KDM4A: variants seen among roughly 807,000 people sequenced by gnomAD.
KDM4A encodes lysine-specific demethylase 4A.
KDM4A carries 23 observed loss-of-function variants against 127.1 expected under a neutral mutation model. That is an observed-to-expected ratio of 0.18 (90% CI 0.13 to 0.26). KDM4A has a LOEUF of 0.26. Among genes scored for constraint, KDM4A ranks in the 10% least tolerant of loss-of-function variants. The pLI is 1.00. For synonymous variants in KDM4A, 443 were observed against 466.5 expected, an observed-to-expected ratio of 0.95 and a Z score of 0.65; for missense variants, 890 against 1,329.1, an observed-to-expected ratio of 0.67 and a Z score of 5.14.
In KDM4A at chr1:43,667,776, C is replaced by T. The variant is rs753686310; in HGVS notation, c.920C>T (p.Ser307Phe). The change falls in exon 9 of 22, where the codon TCC (serine) becomes TTC (phenylalanine). Residue 307 changes from serine (S) to phenylalanine (F), a missense_variant. Transcript: ENST00000372396. ...TCTTCTGGTTCCTGCTGACAGTGCT[C>T]CTGTAGAAAGGACATGGTGAAGATC... ...IEYGKQAVLC[S>F]CRKDMVKISM... The T allele has an allele frequency of 6.2e-7, 1 of 1,614,122 alleles. No individual in the cohort carries two copies.
At chr1:43,683,565 AT>A in intron 11 of KDM4A, 118 bp from the exon 12 acceptor site, 1 of 1,167,908 alleles carries the variant, frequency 8.6e-7, no homozygotes, top group Non-Finnish European at 1.2e-6. Context: ...TCTGTTTGGT[AT>A]TATATGTCTT....
chr1:43,690,394 C>T (rs928036099), intron 13 of KDM4A, among the ~76,000 whole-genome samples: 49 of 152,034 alleles, frequency 3.2e-4, no homozygotes, highest in African/African-American at 1.2e-3. Flanking sequence ...ACTACAGGCA[C>T]ACACCATCAC....
intron 12 of KDM4A, among the ~76,000 whole-genome samples, chr1:43,684,457 G>C (rs1017155607): frequency 1.3e-5 from 2 of 152,052 alleles, no homozygotes; most frequent in Non-Finnish European, 2.9e-5. Context: ...GAGCCGAGAT[G>C]GTGCCACTGC....
At chr1:43,685,376 T>A (rs1406180731) in intron 12 of KDM4A, among the ~76,000 whole-genome samples, 1 of 151,898 alleles carries the variant, frequency 6.6e-6, no homozygotes, top group Non-Finnish European at 1.5e-5. Flanking sequence ...CAATCGTACA[T>A]GTTACTCTTG....
At position 43,691,509 on chromosome 1, in the gene KDM4A, C is replaced by A. The variant is rs141609782; in HGVS notation, c.2256C>A (p.Val752=). The A allele has an allele frequency of 6.2e-6, 10 of 1,612,768 alleles. No individual in the cohort carries two copies. Among genetic ancestry groups the A allele is most frequent in the East Asian group, 2.2e-5 (1 of 44,834 alleles). The change falls in exon 15 of 22, where the codon GTC becomes GTA. Residue 752 remains valine, a synonymous_variant. Coordinates refer to ENST00000372396, the MANE Select transcript of KDM4A (RefSeq NM_014663.3). ...SVRVHASCYG[V]PPAKASEDWM... ...TGTCCCTGTTAGGTTGCTATGGGGT[C>A]CCCCCTGCAAAGGCTTCTGAAGACT...
chr1:43,693,148 G>A lies in KDM4A; in HGVS notation c.2375+837G>A, dbSNP rs560351985. Among the ~76,000 whole-genome samples the A allele has an allele frequency of 9.8e-5, 15 of 152,334 alleles. No homozygotes were observed. In the East Asian group the frequency reaches 2.3e-3, roughly 23 times the overall value. ...GTCACTGGGTTCCTCACAGTCACAG[G>A]ATAGTGCTGGGAACATTCTTTCTTA... On this transcript the variant is annotated intron_variant, in intron 16 of 21. Transcript: ENST00000372396. This position sits in a 1 kb window ranked among gnomAD's most constrained non-coding sequence, Gnocchi z 4.2.
chr1:43,703,766 G>C lies in KDM4A; in HGVS notation c.2961+30G>C, dbSNP rs199991640. 33 of 1,612,354 alleles carry C rather than the reference G, an allele frequency of 2.0e-5. No individual in the cohort carries two copies. The East Asian group carries it at 5.3e-4, about 26-fold the overall frequency. On this transcript the variant is annotated intron_variant, in intron 20 of 21. Transcript: ENST00000372396. The stretch of plus-strand genomic sequence containing the variant: ...CCAAAGTTCTACCTTTCTAGGGAGT[G>C]GGGGGTGCTTGATTAATTCTGTGCT...
At chr1:43,674,516 C>CTTT in intron 11 of KDM4A, among the ~76,000 whole-genome samples, 1 of 145,572 alleles carries the variant, frequency 6.9e-6, no homozygotes, top group Non-Finnish European at 1.5e-5. Context: ...GGCCCTGCTA[C>CTTT]TTTTTTTTTT....
In KDM4A at chr1:43,671,654, A is replaced by G; in HGVS notation, c.1513A>G (p.Lys505Glu). 6.2e-7 allele frequency: 1 copy of G among 1,612,078 alleles called. No individual in the cohort carries two copies. The highest frequency in any genetic ancestry group is 1.7e-4 in the Middle Eastern group (1 of 6,054). Reference sequence around the variant, plus strand: ...GGGACGCCTTGTCTTCTCAGGCTCCAAAAAGAAATCATCTTCTAGCCTGGG... The same window carrying G: ...GGGACGCCTTGTCTTCTCAGGCTCCGAAAAGAAATCATCTTCTAGCCTGGG... ...VGGRLVFSGS[K>E]KKSSSSLGSG... Residue 505 changes from lysine (K) to glutamate (E), a missense_variant, in exon 11 of 22, where the codon AAA becomes GAA. By Grantham distance (56) the Lys-to-Glu change is moderately conservative (BLOSUM62 1). Coordinates refer to ENST00000372396, the MANE Select transcript of KDM4A (RefSeq NM_014663.3).
At chr1:43,672,715 C>T (rs1465893152) in intron 11 of KDM4A, among the ~76,000 whole-genome samples, 5 of 151,230 alleles carry the variant, frequency 3.3e-5, no homozygotes, top group South Asian at 2.1e-4. Flanking sequence ...AGGATGGTCT[C>T]GATTTCCTGA....
chr1:43,696,669 G>A (rs1373305410), intron 18 of KDM4A, among the ~76,000 whole-genome samples: 1 of 152,168 alleles, frequency 6.6e-6, no homozygotes, highest in African/African-American at 2.4e-5. Context: ...GTAAAAACTT[G>A]AGGTAGTACT....
At position 43,671,861 on chromosome 1, in the gene KDM4A, C is replaced by T. The variant is rs777260014; in HGVS notation, c.1720C>T (p.Arg574Trp). The T allele has an allele frequency of 2.4e-5, 37 of 1,566,084 alleles. No homozygotes were observed. The highest frequency in any genetic ancestry group is 9.0e-5 in the East Asian group (4 of 44,272). ...KGSAARSFSE[R>W]ELAEVADEYM... ...AAGCGCCGCTAGAAGTTTCAGTGAG[C>T]GGGAGCTGGCAGAGGTATGGGCTCC... The change falls in exon 11 of 22, where the codon CGG (arginine) becomes TGG (tryptophan). Residue 574 changes from arginine to tryptophan, a missense_variant. By Grantham distance (101) the Arg-to-Trp change is moderately radical. This residue lies in a region of KDM4A where 389 missense variants were observed against 485.9 expected (regional missense o/e 0.80). Coordinates refer to ENST00000372396, the MANE Select transcript of KDM4A (RefSeq NM_014663.3).
intron 2 of KDM4A, chr1:43,653,583 T>C: frequency 3.8e-6 from 1 of 265,362 alleles, no homozygotes; most frequent in Non-Finnish European, 7.2e-6. Context: ...CTCAGCCCTC[T>C]TGGTGGAGCT....
intron 10 of KDM4A, among the ~76,000 whole-genome samples, 200 bp from the exon 11 acceptor site, chr1:43,671,302 ATCT>A (rs1161989858): frequency 6.6e-6 from 1 of 152,142 alleles, no homozygotes; most frequent in Non-Finnish European, 1.5e-5. Context: ...CTGTAGTAGC[ATCT>A]TCTCATTACA....
intron 3 of KDM4A, among the ~76,000 whole-genome samples, chr1:43,658,971 T>A (rs79016657): frequency 3.4e-3 from 511 of 152,084 alleles, no homozygotes; most frequent in African/African-American, 0.011. Context: ...TTTTTTTTTT[T>A]AATTAAATTT....
At chr1:43,650,756 A>T (rs945568953) in intron 1 of KDM4A, 5 of 152,446 alleles carry the variant, frequency 3.3e-5, no homozygotes, top group African/African-American at 1.2e-4. Flanking sequence ...GGGGGTTGGG[A>T]TCCCCATTTT....
chr1:43,692,128 G>A, intron 15 of KDM4A, 128 bp from the exon 16 acceptor site: 1 of 853,206 alleles, frequency 1.2e-6, no homozygotes, highest in Non-Finnish European at 2.0e-6. Flanking sequence ...CTGCCTGGGT[G>A]AAGCCCCACA....
In KDM4A at chr1:43,692,178, A is replaced by C. The variant is rs969505379; in HGVS notation, c.2320-78A>C. 4 of 1,305,134 alleles carry C rather than the reference A, an allele frequency of 3.1e-6. No individual in the cohort carries two copies. The African/African-American group carries it at 5.8e-5, about 19-fold the overall frequency. The allele number at this position is 1,305,134 out of a possible 1,614,324, so 80.8% of individuals were successfully genotyped here. On this transcript the variant is annotated intron_variant, in intron 15 of 21. Coordinates refer to ENST00000372396, the MANE Select transcript of KDM4A (RefSeq NM_014663.3). The stretch of plus-strand genomic sequence containing the variant: ...TTTCTTATGTGGAGGAGTTGCCCAA[A>C]GCAGGTCCAGGGGAGAGCAGATTGA...
chr1:43,678,594 T>G (rs1660790422), intron 11 of KDM4A, among the ~76,000 whole-genome samples: 1 of 150,876 alleles, frequency 6.6e-6, no homozygotes, highest in African/African-American at 2.4e-5. Flanking sequence ...TAGGTTTTTT[T>G]TTTTTTTTTT....
Sources: gnomAD v4.1 joint callset for allele counts (sites outside exome capture counted in the v4.1 genomes callset) on GRCh38, gnomAD v4.1.1 for gene constraint, gnomAD v4.1.1 regional missense constraint, Gnocchi (gnomAD v3.1) non-coding constraint, MANE v1.5 for transcripts, NCBI Gene and HGNC (gene_info 2026-07-23, HGNC 2026-07-21) for gene names.